The following CCDC171 variants were observed in gnomAD, a reference collection of about 807,000 sequenced individuals.
CCDC171 encodes the protein coiled-coil domain containing 171.
CCDC171 carries 177 observed loss-of-function variants against 168.2 expected under a neutral mutation model. That is an observed-to-expected ratio of 1.05 (90% CI 0.93 to 1.19). CCDC171 has a LOEUF of 1.19. CCDC171 is among the 50% of genes most tolerant of loss of function. CCDC171 has a pLI of 0.00. For synonymous variants in CCDC171, 687 were observed against 540.8 expected, an observed-to-expected ratio of 1.27 and a Z score of -3.75; for missense variants, 1,991 against 1,539.0, an observed-to-expected ratio of 1.29 and a Z score of -4.91.
chr9:15,792,558 A>T (rs2058324189), intron 21 of CCDC171, among the ~76,000 whole-genome samples: 1 of 152,184 alleles, frequency 6.6e-6, no homozygotes, highest in Non-Finnish European at 1.5e-5. Flanking sequence ...AAAAAATGTT[A>T]AGGGCAGCCA....
intron 25 of CCDC171, among the ~76,000 whole-genome samples, chr9:15,959,585 T>C (rs1032221329): frequency 6.6e-6 from 1 of 152,162 alleles, no homozygotes; most frequent in Admixed American, 6.6e-5. Flanking sequence ...GTCAAAATTA[T>C]TATCTAGTAG....
At chr9:15,745,412 G>A (rs2055197722) in intron 17 of CCDC171, 103 bp from the exon 18 acceptor site, 1 of 609,476 alleles carries the variant, frequency 1.6e-6, no homozygotes, top group Non-Finnish European at 2.7e-6. Context: ...TTCACAATAG[G>A]GTTTTATCTG....
At chr9:15,959,203 T>G (rs3008669) in intron 25 of CCDC171, among the ~76,000 whole-genome samples, 8 of 152,070 alleles carry the variant, frequency 5.3e-5, no homozygotes, top group South Asian at 4.1e-4. Context: ...TCTAGGGTCA[T>G]TGTAAGGATG....
chr9:15,804,246 T>C (rs2058969062), intron 21 of CCDC171, among the ~76,000 whole-genome samples: 1 of 152,162 alleles, frequency 6.6e-6, no homozygotes, highest in African/African-American at 2.4e-5. Flanking sequence ...CTGATTGCCC[T>C]GGCCAGACTT....
chr9:15,806,675 T>C (rs996605472), intron 21 of CCDC171, among the ~76,000 whole-genome samples: 2 of 152,042 alleles, frequency 1.3e-5, no homozygotes, highest in Non-Finnish European at 2.9e-5. Context: ...TTCATTTCAA[T>C]CTTGGAAAAT....
In CCDC171 at chr9:15,973,743, C is replaced by G. The variant is rs1407215366; in HGVS notation, c.*1907C>G. 2.0e-5 allele frequency: 3 copies of G among 152,042 alleles called. No individual in the cohort carries two copies. The highest frequency in any genetic ancestry group is 7.2e-5 in the African/African-American group (3 of 41,414). 9.4% of individuals were successfully genotyped at this position (152,042 alleles called of 1,614,324 possible). On this transcript the variant is annotated 3_prime_UTR_variant, in exon 26 of 26. Transcript: ENST00000380701. ...TTCAGAACACCTTTCTCTGCTGTTC[C>G]AAACAATGATTAGGATATTGTTCAT...
chr9:15,883,740 G>C (rs1278079415), intron 24 of CCDC171, among the ~76,000 whole-genome samples: 1 of 152,174 alleles, frequency 6.6e-6, no homozygotes, highest in African/African-American at 2.4e-5. Context: ...TACCTTGCGG[G>C]AATGATCTGG....
chr9:15,866,168 T>TG (rs1182870408), intron 23 of CCDC171, among the ~76,000 whole-genome samples: 1 of 151,902 alleles, frequency 6.6e-6, no homozygotes, highest in African/African-American at 2.4e-5. Context: ...CTAAGAGCCT[T>TG]GGATCATATA....
intron 25 of CCDC171, among the ~76,000 whole-genome samples, chr9:15,965,015 G>A (rs1457608809): frequency 6.6e-6 from 1 of 152,014 alleles, no homozygotes; most frequent in East Asian, 1.9e-4. Flanking sequence ...TTCCAGCCTC[G>A]GCCTCCCAAA....
intron 1 of CCDC171, among the ~76,000 whole-genome samples, chr9:15,560,956 C>T (rs1473428524): frequency 1.3e-5 from 2 of 152,156 alleles, no homozygotes; most frequent in African/African-American, 2.4e-5. Flanking sequence ...TCAGGACCCT[C>T]AGCTGCAGGT....
chr9:15,921,240 A>C (rs766096160), intron 25 of CCDC171, among the ~76,000 whole-genome samples: 23 of 151,700 alleles, frequency 1.5e-4, no homozygotes, highest in Admixed American at 2.6e-4. Flanking sequence ...CATTAAAACA[A>C]ATAGATGCAT....
chr9:16,053,194 C>T (rs1833779809), intron 1 of CCDC171, among the ~76,000 whole-genome samples: 1 of 152,242 alleles, frequency 6.6e-6, no homozygotes, highest in African/African-American at 2.4e-5. Context: ...CCACTCTAGA[C>T]AGATGAGGAA....
chr9:15,622,443 A>G (rs960459939), intron 6 of CCDC171, among the ~76,000 whole-genome samples: 3 of 152,194 alleles, frequency 2.0e-5, no homozygotes, highest in Admixed American at 6.5e-5. Flanking sequence ...TCAGATTCTA[A>G]TGGTATCTTT....
At position 15,629,121 on chromosome 9, in the gene CCDC171, C is replaced by T. The variant is rs370036514; in HGVS notation, c.822+5708C>T. Among the ~76,000 whole-genome samples the T allele has an allele frequency of 5.3e-5, 8 of 152,202 alleles. No homozygotes were observed. The South Asian group carries it at 1.5e-3, about 28-fold the overall frequency. On this transcript the variant is annotated intron_variant, in intron 7 of 25. Transcript: ENST00000380701. ...AAACTGGAAACTCTAAAAAGCAGAG[C>T]GCCTCTCCTCCTCCAAAGGAATGCA...
intron 4 of CCDC171, chr9:15,587,626 C>G (rs2041664473): frequency 4.4e-6 from 2 of 456,400 alleles, no homozygotes; most frequent in South Asian, 3.1e-5. Flanking sequence ...AATAAATGAG[C>G]CATCCAGATC....
At chr9:15,568,405 G>C (rs575952260) in intron 2 of CCDC171, among the ~76,000 whole-genome samples, 1 of 151,676 alleles carries the variant, frequency 6.6e-6, no homozygotes, top group East Asian at 2.0e-4. Flanking sequence ...GGAGTAGCTG[G>C]GACTACAGGT....
the CCDC171 span, among the ~76,000 whole-genome samples, chr9:16,090,226 A>G: frequency 6.6e-6 from 1 of 152,220 alleles, no homozygotes; most frequent in Non-Finnish European, 1.5e-5. Context: ...TACACCATGG[A>G]ATATGAAGCA....
At chr9:15,573,030 A>G (rs983629794) in intron 3 of CCDC171, among the ~76,000 whole-genome samples, 1 of 152,124 alleles carries the variant, frequency 6.6e-6, no homozygotes. Flanking sequence ...GTAGTGGCAC[A>G]CACCTGTAAT....
At chr9:15,835,448 T>G (rs1312440443) in intron 21 of CCDC171, among the ~76,000 whole-genome samples, 1 of 152,140 alleles carries the variant, frequency 6.6e-6, no homozygotes, top group African/African-American at 2.4e-5. Context: ...CTCTTTTGAG[T>G]TGGAGTTTCG....
Sources: allele counts gnomAD v4.1 joint callset (sites outside exome capture counted in the v4.1 genomes callset), GRCh38; gene constraint gnomAD v4.1.1; transcripts MANE v1.5; gene names NCBI Gene and HGNC (gene_info 2026-07-23, HGNC 2026-07-21).